The following SNTB1 variants were observed in gnomAD, a reference collection of about 807,000 sequenced individuals.
SNTB1 encodes the protein beta-1-syntrophin.
A neutral mutation model predicts 48.9 loss-of-function variants in SNTB1; 36 were observed. That is an observed-to-expected ratio of 0.74 (90% CI 0.56 to 0.97). The LOEUF (loss-of-function observed/expected upper bound fraction) is 0.97, where lower values mean the gene tolerates loss of function less well. Among genes scored for constraint, SNTB1 ranks in the 50% least tolerant of loss-of-function variants. SNTB1 has a pLI of 0.00. For synonymous variants in SNTB1, 299 were observed against 294.6 expected (o/e 1.01, Z -0.15); for missense variants, 786 against 703.4 (o/e 1.12, Z -1.33).
At chr8:120,591,302 C>A (rs117588117) in intron 3 of SNTB1, among the ~76,000 whole-genome samples, 2,483 of 152,186 alleles carry the variant, frequency 0.016, 33 homozygotes, top group Middle Eastern at 0.065. Flanking sequence ...CCTCATTTAC[C>A]AAGCTCTGTG....
intron 4 of SNTB1, among the ~76,000 whole-genome samples, chr8:120,550,724 G>C (rs1353924650): frequency 6.6e-6 from 1 of 152,116 alleles, no homozygotes; most frequent in Non-Finnish European, 1.5e-5. Context: ...AAGTGAGCAA[G>C]AGTCACTGAG....
intron 2 of SNTB1, among the ~76,000 whole-genome samples, chr8:120,649,116 C>A (rs918684647): frequency 6.7e-6 from 1 of 149,960 alleles, no homozygotes; most frequent in South Asian, 2.1e-4. Flanking sequence ...GTTTGAATGT[C>A]CTCCTGTAGC....
intron 3 of SNTB1, among the ~76,000 whole-genome samples, chr8:120,621,961 C>G (rs1217312778): frequency 6.6e-6 from 1 of 152,204 alleles, no homozygotes. Context: ...CTACTGCCAA[C>G]AGGGAATCAT....
intron 2 of SNTB1, among the ~76,000 whole-genome samples, chr8:120,693,311 C>A (rs1818158181): frequency 6.6e-6 from 1 of 152,108 alleles, no homozygotes; most frequent in Non-Finnish European, 1.5e-5. Context: ...ACATGGATTT[C>A]CTAATTTAGT....
chr8:120,801,036 T>G (rs1346749262), intron 1 of SNTB1, among the ~76,000 whole-genome samples: 2 of 152,030 alleles, frequency 1.3e-5, no homozygotes, highest in Non-Finnish European at 2.9e-5. Flanking sequence ...TAGTCTAATA[T>G]CCTTGGCAGA....
In SNTB1 at chr8:120,537,109, C is replaced by A. The variant is rs1815214035; in HGVS notation, c.*1768G>T. On this transcript the variant is annotated 3_prime_UTR_variant, in exon 7 of 7. Coordinates refer to ENST00000517992, the MANE Select transcript of SNTB1 (RefSeq NM_021021.4). The stretch of plus-strand genomic sequence containing the variant: ...TTGAAAATAGAAATAAACAAAAAGT[C>A]AATATCCTAAAGCTGTGTTTTCTAA... 1 of 148,364 alleles carries A rather than the reference C, an allele frequency of 6.7e-6. No homozygotes were observed. The allele number at this position is 148,364 out of a possible 1,614,324, so 9.2% of individuals were successfully genotyped here.
intron 3 of SNTB1, 124 bp from the exon 4 acceptor site, chr8:120,575,349 T>C: frequency 1.9e-6 from 2 of 1,066,218 alleles, no homozygotes; most frequent in Non-Finnish European, 2.8e-6. Flanking sequence ...GGTTGCAAAA[T>C]CAAAATGGAA....
At chr8:120,597,182 T>C (rs1816341129) in intron 3 of SNTB1, among the ~76,000 whole-genome samples, 1 of 152,200 alleles carries the variant, frequency 6.6e-6, no homozygotes, top group East Asian at 1.9e-4. Flanking sequence ...AAGCCAAGGA[T>C]ACCAGTGGCC....
chr8:120,581,676 T>C (rs7013609), intron 3 of SNTB1, among the ~76,000 whole-genome samples: 76,081 of 151,980 alleles, frequency 0.5, 20,555 homozygotes, highest in Non-Finnish European at 0.63. Context: ...AAAAATAAAG[T>C]GAGGTGAAAA....
At chr8:120,752,987 G>GAA (rs60198716) in intron 1 of SNTB1, among the ~76,000 whole-genome samples, 58 of 76,544 alleles carry the variant, frequency 7.6e-4, no homozygotes, top group South Asian at 2.7e-3. Flanking sequence ...AAAGCTGGAA[G>GAA]AAAAAAAAAA....
chr8:120,650,950 G>A (rs907267705), intron 2 of SNTB1, among the ~76,000 whole-genome samples: 8 of 152,292 alleles, frequency 5.3e-5, no homozygotes, highest in African/African-American at 1.9e-4. Context: ...GAAGCATTAG[G>A]TAAGTTACTT....
In SNTB1 at chr8:120,632,553, T is replaced by C. The variant is rs1260039504; in HGVS notation, c.887A>G (p.Asn296Ser). 1.2e-6 allele frequency: 2 copies of C among 1,614,150 alleles called. No individual in the cohort carries two copies. The highest frequency in any genetic ancestry group is 1.7e-6 in the Non-Finnish European group (2 of 1,180,032). The change falls in exon 3 of 7, where the codon AAC becomes AGC. Residue 296 changes from asparagine to serine, a missense_variant. By Grantham distance (46) the Asn-to-Ser change is conservative (BLOSUM62 1). Transcript: ENST00000517992. ...AQAWFSAIHS[N>S]VNDLLTRVIA... ...CACTCGGGTCAGCAGGTCATTAACG[T>C]TGGAATGGATGGCACTGAACCATGC...
chr8:120,682,714 A>G (rs1817952809), intron 2 of SNTB1, among the ~76,000 whole-genome samples: 1 of 152,148 alleles, frequency 6.6e-6, no homozygotes, highest in Non-Finnish European at 1.5e-5. Flanking sequence ...GTGGGTACGT[A>G]GGTAGATAGA....
At chr8:120,549,790 A>T (rs746609001) in intron 4 of SNTB1, among the ~76,000 whole-genome samples, 2 of 152,138 alleles carry the variant, frequency 1.3e-5, no homozygotes, top group African/African-American at 4.8e-5. Flanking sequence ...CGATATCTCA[A>T]TCTCCTTTTG....
At position 120,614,683 on chromosome 8, in the gene SNTB1, G is replaced by A. The variant is rs537401900; in HGVS notation, c.996+17761C>T. 2.2e-4 allele frequency among the ~76,000 whole-genome samples: 33 copies of A among 152,162 alleles called. No individual in the cohort carries two copies. The South Asian group carries it at 6.6e-3, about 31-fold the overall frequency. On this transcript the variant is annotated intron_variant, in intron 3 of 6. Transcript: ENST00000517992. ...CCCCTTGGTAATAAAAGCCATTATC[G>A]GACTCTTCAAACATTTCAACTTTTC...
In SNTB1 at chr8:120,546,473, T is replaced by G. The variant is rs926014784; in HGVS notation, c.1333+2289A>C. 2.6e-5 allele frequency among the ~76,000 whole-genome samples: 4 copies of G among 152,148 alleles called. No individual in the cohort carries two copies. The South Asian group carries it at 6.2e-4, about 24-fold the overall frequency. Reference sequence around the variant, plus strand: ...TTGATATTACTTTTCCATTCTCTTTTTTTTGTTTTGTTTTGTTTTGAGATG... The same window carrying G: ...TTGATATTACTTTTCCATTCTCTTTGTTTTGTTTTGTTTTGTTTTGAGATG... On this transcript the variant is annotated intron_variant, in intron 5 of 6. Transcript: ENST00000517992.
At chr8:120,621,109 G>A (rs1201664561) in intron 3 of SNTB1, among the ~76,000 whole-genome samples, 2 of 151,998 alleles carry the variant, frequency 1.3e-5, no homozygotes, top group African/African-American at 2.4e-5. Context: ...ACAGGCACCC[G>A]ACACCATGCC....
intron 3 of SNTB1, among the ~76,000 whole-genome samples, chr8:120,629,283 G>A (rs930920062): frequency 2.0e-5 from 3 of 152,152 alleles, no homozygotes; most frequent in African/African-American, 4.8e-5. Context: ...GTGTTGAGGA[G>A]GTTTTAGGAT....
chr8:120,613,892 T>C (rs182840172), intron 3 of SNTB1, among the ~76,000 whole-genome samples: 180 of 152,252 alleles, frequency 1.2e-3, no homozygotes, highest in African/African-American at 4.2e-3. Flanking sequence ...AGTGACAGAG[T>C]TGGGGAAGCA....
Sources: allele counts gnomAD v4.1 joint callset (sites outside exome capture counted in the v4.1 genomes callset), GRCh38; gene constraint gnomAD v4.1.1; transcripts MANE v1.5; gene names NCBI Gene and HGNC (gene_info 2026-07-23, HGNC 2026-07-21).